STAU2: variants seen among roughly 807,000 people sequenced by gnomAD.
STAU2 encodes the protein staufen double-stranded RNA binding protein 2.
In STAU2, 20 loss-of-function variants were observed where a neutral mutation model predicts 65.9. The ratio of observed to expected loss-of-function variants is 0.30; its 90% CI spans 0.21 to 0.44. The LOEUF is 0.44. Among genes scored for constraint, STAU2 ranks in the 20% least tolerant of loss-of-function variants. The probability of loss-of-function intolerance (pLI) is 1.00; values close to 1 mark genes in which losing one functional copy is unlikely to be tolerated. For missense variants in STAU2, 558 were observed against 683.9 expected, an observed-to-expected ratio of 0.82 and a Z score of 2.05; for synonymous variants, 232 against 233.9, an observed-to-expected ratio of 0.99 and a Z score of 0.07.
intron 9 of STAU2, among the ~76,000 whole-genome samples, chr8:73,605,329 G>A (rs1382991409): frequency 3.3e-5 from 1 of 30,522 alleles, no homozygotes; most frequent in Non-Finnish European, 6.4e-5. Flanking sequence ...TTTTTTTTTT[G>A]GCAGAGTCTC....
At chr8:73,641,514 A>G (rs1220214811) in intron 6 of STAU2, among the ~76,000 whole-genome samples, 1 of 152,254 alleles carries the variant, frequency 6.6e-6, no homozygotes. Flanking sequence ...TAAGATCTTC[A>G]GCAAATCATG....
chr8:73,690,341 A>G (rs1228189395), intron 4 of STAU2, among the ~76,000 whole-genome samples: 3 of 151,148 alleles, frequency 2.0e-5, no homozygotes, highest in Non-Finnish European at 4.4e-5. Flanking sequence ...AAAAAAAAAA[A>G]AAAAAGGAAA....
chr8:73,451,062 C>T (rs538419089), intron 13 of STAU2, among the ~76,000 whole-genome samples: 7 of 152,324 alleles, frequency 4.6e-5, no homozygotes, highest in Admixed American at 1.3e-4. Flanking sequence ...CTGATCCACA[C>T]GCTGCCGGCA....
At chr8:73,628,397 A>C (rs935786431) in intron 6 of STAU2, among the ~76,000 whole-genome samples, 16 of 152,172 alleles carry the variant, frequency 1.1e-4, no homozygotes, top group African/African-American at 3.6e-4. Context: ...ATATATATTC[A>C]CTAAATACTG....
At chr8:73,654,146 G>A (rs1034941003) in intron 6 of STAU2, among the ~76,000 whole-genome samples, 11 of 152,052 alleles carry the variant, frequency 7.2e-5, no homozygotes, top group Non-Finnish European at 1.5e-5. Flanking sequence ...TTTACATGTT[G>A]TGAAAGCTAA....
intron 12 of STAU2, among the ~76,000 whole-genome samples, chr8:73,569,531 C>G (rs1003895354): frequency 6.6e-6 from 1 of 152,040 alleles, no homozygotes; most frequent in Non-Finnish European, 1.5e-5. Context: ...CCCTGACCCC[C>G]GAGAAGCCTA....
At chr8:73,738,761 T>C (rs1806623638) in intron 2 of STAU2, among the ~76,000 whole-genome samples, 1 of 152,166 alleles carries the variant, frequency 6.6e-6, no homozygotes, top group Admixed American at 6.5e-5. Flanking sequence ...TATACTTCCC[T>C]TTTTGCAGTC....
At chr8:73,746,661 G>A (rs1199766764) in intron 1 of STAU2, 122 bp downstream of exon 1, 4 of 539,998 alleles carry the variant, frequency 7.4e-6, no homozygotes, top group East Asian at 3.8e-5. Context: ...GGCCGCGAAG[G>A]GGGCTGCTTT....
At chr8:73,609,908 T>C (rs1367503939) in intron 9 of STAU2, among the ~76,000 whole-genome samples, 2 of 152,176 alleles carry the variant, frequency 1.3e-5, no homozygotes, top group South Asian at 2.1e-4. Flanking sequence ...AAGGAAATTA[T>C]TGTTGATATA....
intron 13 of STAU2, chr8:73,527,567 A>G (rs1805526500): frequency 1.9e-6 from 1 of 520,756 alleles, no homozygotes; most frequent in East Asian, 3.0e-5. Context: ...AGTCTAGCAG[A>G]TGGTGCTAGC....
chr8:73,573,958 T>C (rs1383562900), intron 12 of STAU2, among the ~76,000 whole-genome samples: 3 of 151,842 alleles, frequency 2.0e-5, no homozygotes, highest in African/African-American at 7.3e-5. Flanking sequence ...ACCATCAGAG[T>C]GAACAGGCAA....
intron 13 of STAU2, among the ~76,000 whole-genome samples, chr8:73,456,755 T>C (rs1452256409): frequency 6.6e-6 from 1 of 152,214 alleles, no homozygotes; most frequent in Non-Finnish European, 1.5e-5. Context: ...TTCTCTATGA[T>C]GACATATGTT....
chr8:73,532,842 A>T (rs1215211366), intron 13 of STAU2, among the ~76,000 whole-genome samples: 1 of 152,144 alleles, frequency 6.6e-6, no homozygotes, highest in Non-Finnish European at 1.5e-5. Flanking sequence ...CCAATTGCCA[A>T]TCAGAAAATC....
intron 12 of STAU2, chr8:73,561,641 G>A (rs28418483): frequency 0.12 from 50,378 of 426,972 alleles, 3,716 homozygotes; most frequent in Non-Finnish European, 0.17. Flanking sequence ...AATGTCTACC[G>A]CAGCAGCTTC....
intron 6 of STAU2, among the ~76,000 whole-genome samples, chr8:73,620,226 T>C (rs554311984): frequency 7.3e-4 from 111 of 152,296 alleles, no homozygotes; most frequent in Non-Finnish European, 1.1e-3. Context: ...TAACTGGTGG[T>C]ACTATAAAAC....
At chr8:73,697,638 G>A (rs780575051) in intron 4 of STAU2, among the ~76,000 whole-genome samples, 1 of 152,176 alleles carries the variant, frequency 6.6e-6, no homozygotes, top group Non-Finnish European at 1.5e-5. Context: ...AAGAAATAGT[G>A]TAATAAGACA....
intron 13 of STAU2, among the ~76,000 whole-genome samples, chr8:73,536,684 G>C (rs926735585): frequency 5.3e-5 from 8 of 152,108 alleles, no homozygotes; most frequent in African/African-American, 9.7e-5. Context: ...GGTGTCAATA[G>C]AGGCATGGTG....
At chr8:73,477,997 C>T (rs528588555) in intron 13 of STAU2, among the ~76,000 whole-genome samples, 28 of 151,372 alleles carry the variant, frequency 1.8e-4, no homozygotes, top group African/African-American at 5.8e-4. Flanking sequence ...TTGTCTGACA[C>T]ACTGAAGTGT....
chr8:73,648,214 C>T (rs1179796136), intron 6 of STAU2, among the ~76,000 whole-genome samples: 1 of 152,162 alleles, frequency 6.6e-6, no homozygotes, highest in Non-Finnish European at 1.5e-5. Context: ...CATATACTAT[C>T]ATTCCTAGTA....
Sources: allele counts gnomAD v4.1 joint callset (sites outside exome capture counted in the v4.1 genomes callset), GRCh38; gene constraint gnomAD v4.1.1; transcripts MANE v1.5; gene names NCBI Gene and HGNC (gene_info 2026-07-23, HGNC 2026-07-21).